The following INPP5A variants were observed in gnomAD, a reference collection of about 807,000 sequenced individuals.
INPP5A encodes inositol polyphosphate-5-phosphatase A.
Under a neutral mutation model 65.2 loss-of-function variants are expected in INPP5A, and 14 were observed. The ratio of observed to expected loss-of-function variants is 0.21; its 90% CI spans 0.14 to 0.34. INPP5A has a LOEUF of 0.34. Among genes scored for constraint, INPP5A ranks in the 10% least tolerant of loss-of-function variants. The pLI is 1.00. For synonymous variants in INPP5A, 207 were observed against 208.3 expected, an observed-to-expected ratio of 0.99 and a Z score of 0.05; for missense variants, 431 against 545.6, an observed-to-expected ratio of 0.79 and a Z score of 2.09.
chr10:132,738,263 G>A (rs953693499), intron 9 of INPP5A, among the ~76,000 whole-genome samples: 6 of 152,234 alleles, frequency 3.9e-5, no homozygotes, highest in Non-Finnish European at 7.3e-5. Flanking sequence ...GGGGGTTGCT[G>A]GAGACCCCGG....
intron 11 of INPP5A, among the ~76,000 whole-genome samples, chr10:132,756,009 G>A (rs1045776699): frequency 1.3e-5 from 2 of 152,234 alleles, no homozygotes; most frequent in Admixed American, 6.5e-5. Flanking sequence ...AGTCGCCTCT[G>A]CCTGGGCCCC....
At chr10:132,617,502 C>A (rs1001586157) in intron 2 of INPP5A, among the ~76,000 whole-genome samples, 2 of 152,210 alleles carry the variant, frequency 1.3e-5, no homozygotes, top group Non-Finnish European at 2.9e-5. Context: ...CTCCTGTGAG[C>A]CACACCTGAA....
intron 12 of INPP5A, among the ~76,000 whole-genome samples, chr10:132,769,846 G>A (rs933841551): frequency 6.9e-6 from 1 of 145,544 alleles, no homozygotes; most frequent in Non-Finnish European, 1.5e-5. Flanking sequence ...GTACAGCCCA[G>A]GCTCAGGTGG....
chr10:132,627,164 G>A lies in INPP5A; in HGVS notation c.118-18704G>A, dbSNP rs980846866. ...AAGGACCCTCACCAGGAACCAAACC[G>A]GCCGGCTTCTTGGCCTCAGACTGAC... On this transcript the variant is annotated intron_variant, in intron 2 of 15. Coordinates refer to ENST00000368594, the MANE Select transcript of INPP5A (RefSeq NM_005539.5). This position sits in a 1 kb window ranked among gnomAD's most constrained non-coding sequence, Gnocchi z 6.6. 2.6e-5 allele frequency among the ~76,000 whole-genome samples: 4 copies of A among 151,822 alleles called. No individual in the cohort carries two copies. The highest frequency in any genetic ancestry group is 2.1e-4 in the South Asian group (1 of 4,826).
At chr10:132,673,499 T>C (rs540077624) in intron 4 of INPP5A, among the ~76,000 whole-genome samples, 16 of 152,250 alleles carry the variant, frequency 1.1e-4, no homozygotes, top group African/African-American at 3.4e-4. Flanking sequence ...CTAGTTGGTG[T>C]TGTAATTGTG....
rs2072561646 is a variant in INPP5A at position 132,650,570 on chromosome 10, C to T, written c.306+65C>T. ...CTGGCCTTGGCAGAAGCCAGCCCTT[C>T]TCCTGTGTAAATGGAGAGAGGTCGG... is the stretch of plus-strand genomic sequence containing the variant. On this transcript the variant is annotated intron_variant, in intron 4 of 15. Coordinates refer to ENST00000368594, the MANE Select transcript of INPP5A (RefSeq NM_005539.5). This position sits in a 1 kb window ranked among gnomAD's most constrained non-coding sequence, Gnocchi z 5.5. 1 of 1,184,700 alleles carries T rather than the reference C, an allele frequency of 8.4e-7. No individual in the cohort carries two copies. Among genetic ancestry groups the T allele is most frequent in the Non-Finnish European group, 1.3e-6 (1 of 797,324 alleles). The allele number at this position is 1,184,700 out of a possible 1,614,324, so 73.4% of individuals were successfully genotyped here.
chr10:132,708,557 C>G (rs1164119870), intron 7 of INPP5A, 192 bp downstream of exon 7: 5 of 730,054 alleles, frequency 6.8e-6, no homozygotes, highest in Non-Finnish European at 1.3e-5. Context: ...TGTCACTGTT[C>G]CCTGTAAGTC....
chr10:132,769,581 A>C (rs552457505), intron 12 of INPP5A, among the ~76,000 whole-genome samples: 23 of 152,214 alleles, frequency 1.5e-4, no homozygotes, highest in Non-Finnish European at 2.4e-4. Flanking sequence ...TGAGGGACCC[A>C]TGGTGGCAGG....
chr10:132,668,739 G>A (rs1389630155), intron 4 of INPP5A, among the ~76,000 whole-genome samples: 6 of 152,130 alleles, frequency 3.9e-5, no homozygotes, highest in East Asian at 3.9e-4. Context: ...AAAAGCTTGC[G>A]GCCCACTTCA....
intron 2 of INPP5A, among the ~76,000 whole-genome samples, chr10:132,608,968 G>C (rs1007945537): frequency 6.6e-6 from 1 of 152,176 alleles, no homozygotes; most frequent in Non-Finnish European, 1.5e-5. Flanking sequence ...CTGTGCCCTC[G>C]GGCCTGTGTC....
chr10:132,568,888 G>C (rs2133280820), intron 1 of INPP5A, among the ~76,000 whole-genome samples: 1 of 149,436 alleles, frequency 6.7e-6, no homozygotes. Flanking sequence ...AGGCAACATA[G>C]ATCACAATAT....
chr10:132,712,850 G>A (rs1022156765), intron 8 of INPP5A, among the ~76,000 whole-genome samples: 1 of 150,606 alleles, frequency 6.6e-6, no homozygotes, highest in Non-Finnish European at 1.5e-5. Flanking sequence ...GTGTAGGCTT[G>A]TGTGGGGGTA....
At chr10:132,577,379 TG>T (rs1178997616) in intron 1 of INPP5A, among the ~76,000 whole-genome samples, 2 of 152,184 alleles carry the variant, frequency 1.3e-5, no homozygotes, top group African/African-American at 4.8e-5. Flanking sequence ...CAAAAGGTGG[TG>T]GGGTACCTGG....
At chr10:132,731,285 G>A (rs547095943) in intron 9 of INPP5A, among the ~76,000 whole-genome samples, 10 of 151,336 alleles carry the variant, frequency 6.6e-5, no homozygotes, top group South Asian at 4.2e-4. Flanking sequence ...TCCCTCCTGC[G>A]CATCAGGCGC....
intron 4 of INPP5A, among the ~76,000 whole-genome samples, chr10:132,682,295 G>A (rs2073058686): frequency 6.7e-6 from 1 of 150,276 alleles, no homozygotes; most frequent in African/African-American, 2.4e-5. Flanking sequence ...AAGGTGGACA[G>A]TGTCCTGGAG....
intron 1 of INPP5A, among the ~76,000 whole-genome samples, chr10:132,577,319 T>G (rs1240104585): frequency 3.3e-5 from 5 of 152,212 alleles, no homozygotes; most frequent in African/African-American, 4.8e-5. Flanking sequence ...CAAGCCGGCC[T>G]GCATATCCTA....
intron 2 of INPP5A, among the ~76,000 whole-genome samples, chr10:132,611,502 T>C (rs1351034771): frequency 2.8e-5 from 3 of 108,038 alleles, no homozygotes; most frequent in South Asian, 3.4e-4. Flanking sequence ...CCGGGGAGGG[T>C]GACGGAGGTG....
chr10:132,701,494 G>T (rs549703377), intron 6 of INPP5A, among the ~76,000 whole-genome samples: 2 of 152,248 alleles, frequency 1.3e-5, no homozygotes, highest in Non-Finnish European at 2.9e-5. Context: ...TCCATTTGCC[G>T]TGGCTGGAGC....
chr10:132,744,335 C>T (rs1055131744), intron 9 of INPP5A, among the ~76,000 whole-genome samples: 16 of 152,298 alleles, frequency 1.1e-4, no homozygotes, highest in African/African-American at 3.8e-4. Context: ...CACAGGCCTC[C>T]CAGGAGGCCC....
Sources: gnomAD v4.1 joint callset for allele counts (sites outside exome capture counted in the v4.1 genomes callset) on GRCh38, gnomAD v4.1.1 for gene constraint, Gnocchi (gnomAD v3.1) non-coding constraint, MANE v1.5 for transcripts, NCBI Gene and HGNC (gene_info 2026-07-23, HGNC 2026-07-21) for gene names.